Variants in AQR observed in about 807,000 individuals in gnomAD.
AQR encodes the protein RNA helicase aquarius.
In AQR, 61 loss-of-function variants were observed where a neutral mutation model predicts 180.5. The observed-to-expected ratio is 0.34, with a 90% confidence interval of 0.28 to 0.42. The LOEUF (loss-of-function observed/expected upper bound fraction) is 0.42, where lower values mean the gene tolerates loss of function less well. Ranked by LOEUF, AQR falls within the 10% of genes least tolerant of loss-of-function variation. AQR has a pLI of 1.00. For missense variants in AQR, 1,281 were observed against 1,798.3 expected (o/e 0.71, Z 5.20); for synonymous variants, 551 against 588.8 (o/e 0.94, Z 0.93).
chr15:34,926,333 A>G (rs984177518), intron 13 of AQR, among the ~76,000 whole-genome samples: 1 of 152,192 alleles, frequency 6.6e-6, no homozygotes, highest in Non-Finnish European at 1.5e-5. Flanking sequence ...TACATTTTAA[A>G]TAGTCAAGGA....
intron 19 of AQR, among the ~76,000 whole-genome samples, chr15:34,902,439 T>C (rs1437994271): frequency 1.3e-5 from 2 of 152,132 alleles, no homozygotes; most frequent in South Asian, 2.1e-4. Context: ...TTCCTAAACA[T>C]AGGCAAGTTA....
At chr15:34,904,201 TGC>T (rs1167749663) in intron 19 of AQR, 133 bp downstream of exon 19, 1 of 509,778 alleles carries the variant, frequency 2.0e-6, no homozygotes, top group Non-Finnish European at 3.2e-6. Flanking sequence ...TTAAGAGGAT[TGC>T]TTATAGTAAA....
chr15:34,911,719 T>C (rs1274585518), intron 16 of AQR, among the ~76,000 whole-genome samples: 1 of 152,208 alleles, frequency 6.6e-6, no homozygotes, highest in Admixed American at 6.5e-5. Context: ...TTTGCAAATA[T>C]TTTCTTCCAT....
intron 22 of AQR, among the ~76,000 whole-genome samples, chr15:34,895,196 ATATATATATATATATATATATATATG>A (rs1382074148): frequency 1.0e-3 from 76 of 75,524 alleles, no homozygotes; most frequent in Non-Finnish European, 1.2e-3. Flanking sequence ...AAATATATAT[ATATATATATATATATATATATATATG>A]AAACAAATAA....
intron 3 of AQR, among the ~76,000 whole-genome samples, chr15:34,960,239 G>A (rs181835621): frequency 1.3e-5 from 2 of 152,252 alleles, no homozygotes; most frequent in East Asian, 3.9e-4. Context: ...ACCCTTTTGT[G>A]TTTGAAAAAA....
At chr15:34,947,744 G>A (rs1894152647) in intron 5 of AQR, among the ~76,000 whole-genome samples, 1 of 151,838 alleles carries the variant, frequency 6.6e-6, no homozygotes, top group Admixed American at 6.6e-5. Context: ...GGCTCAAGTG[G>A]TCCTCTTGCA....
intron 13 of AQR, among the ~76,000 whole-genome samples, chr15:34,923,255 A>G (rs1893708456): frequency 6.6e-6 from 1 of 152,206 alleles, no homozygotes; most frequent in Non-Finnish European, 1.5e-5. Flanking sequence ...TACAATCTAC[A>G]GTTTCAGGCA....
intron 34 of AQR, 81 bp from the exon 35 acceptor site, chr15:34,857,187 A>G: frequency 7.4e-7 from 1 of 1,349,512 alleles, no homozygotes; most frequent in Non-Finnish European, 9.9e-7. Flanking sequence ...ACCATTCTAG[A>G]GTTCTCCAAA....
intron 4 of AQR, among the ~76,000 whole-genome samples, chr15:34,952,173 T>C (rs74441431): frequency 0.05 from 7,583 of 152,236 alleles, 271 homozygotes; most frequent in African/African-American, 0.1. Flanking sequence ...TGTAGAGAAG[T>C]GGAAAACCAT....
chr15:34,926,622 A>G (rs1334776754), intron 13 of AQR, among the ~76,000 whole-genome samples: 1 of 152,238 alleles, frequency 6.6e-6, no homozygotes, highest in Non-Finnish European at 1.5e-5. Flanking sequence ...TTTCAAAAGG[A>G]TATATTAGCA....
chr15:34,859,232 A>T (rs944194318), intron 34 of AQR, among the ~76,000 whole-genome samples: 1 of 152,214 alleles, frequency 6.6e-6, no homozygotes, highest in African/African-American at 2.4e-5. Context: ...CTAATAAAAA[A>T]ATGAGCAGGA....
At chr15:34,890,696 GA>G (rs1396774668) in intron 23 of AQR, among the ~76,000 whole-genome samples, 2 of 152,172 alleles carry the variant, frequency 1.3e-5, no homozygotes, top group African/African-American at 4.8e-5. Context: ...TGCAGTTGGA[GA>G]AAGACAATAA....
At chr15:34,948,442 A>G in intron 4 of AQR, 58 bp from the exon 5 acceptor site, 8 of 1,544,228 alleles carry the variant, frequency 5.2e-6, no homozygotes, top group Non-Finnish European at 6.1e-6. Context: ...ACTGTAATAC[A>G]TAACTCACCC....
In AQR at chr15:34,893,143, C is replaced by A. The variant is rs554785673; in HGVS notation, c.2571+520G>T. 9.8e-5 allele frequency among the ~76,000 whole-genome samples: 15 copies of A among 152,292 alleles called. No individual in the cohort carries two copies. In the South Asian group the frequency reaches 2.9e-3, roughly 29 times the overall value. On this transcript the variant is annotated intron_variant, in intron 23 of 34. Coordinates refer to ENST00000156471, the MANE Select transcript of AQR (RefSeq NM_014691.3). Reference sequence around the variant, plus strand: ...CCAGCACTCAGACAAAAAGTTTTCTCAGCAAGGCAATTTACTTCTGCAGGT... The same window carrying A: ...CCAGCACTCAGACAAAAAGTTTTCTAAGCAAGGCAATTTACTTCTGCAGGT...
chr15:34,922,379 A>G (rs1278485285), intron 13 of AQR, among the ~76,000 whole-genome samples: 3 of 152,162 alleles, frequency 2.0e-5, no homozygotes, highest in Non-Finnish European at 4.4e-5. Flanking sequence ...TTTCTTGAAT[A>G]TATCTGTAAG....
intron 4 of AQR, among the ~76,000 whole-genome samples, chr15:34,952,072 A>AT (rs1242165655): frequency 2.0e-5 from 3 of 152,032 alleles, no homozygotes; most frequent in East Asian, 1.9e-4. Flanking sequence ...ACTTCATGTC[A>AT]TTTTTTTTGT....
intron 22 of AQR, among the ~76,000 whole-genome samples, chr15:34,895,019 T>C (rs1310586019): frequency 6.7e-6 from 1 of 149,880 alleles, no homozygotes; most frequent in Admixed American, 6.7e-5. Flanking sequence ...TACAAAAATA[T>C]CAGCTGGCCG....
intron 8 of AQR, among the ~76,000 whole-genome samples, chr15:34,940,191 AAG>A (rs1334130808): frequency 6.6e-6 from 1 of 152,238 alleles, no homozygotes; most frequent in Non-Finnish European, 1.5e-5. Flanking sequence ...AGTGATTTGC[AAG>A]AGTCACAAGA....
At chr15:34,867,059 C>T (rs16959968) in intron 32 of AQR, among the ~76,000 whole-genome samples, 5,863 of 152,054 alleles carry the variant, frequency 0.039, 232 homozygotes, top group African/African-American at 0.097. Flanking sequence ...TCATAATAAA[C>T]GATAAAAGTA....
Sources: gnomAD v4.1 joint callset for allele counts (sites outside exome capture counted in the v4.1 genomes callset) on GRCh38, gnomAD v4.1.1 for gene constraint, MANE v1.5 for transcripts, NCBI Gene and HGNC (gene_info 2026-07-23, HGNC 2026-07-21) for gene names.